Variants in GPR160 observed in about 807,000 individuals in gnomAD.
The protein encoded by GPR160 is probable G protein-coupled receptor 160.
Under a neutral mutation model 2.6 loss-of-function variants are expected in GPR160, and 2 were observed. That is an observed-to-expected ratio of 0.77 (90% CI 0.32 to 2.44). The LOEUF is 2.44. Ranked by LOEUF, GPR160 falls within the 30% of genes most tolerant of loss-of-function variation. The pLI, the probability that GPR160 is intolerant of heterozygous loss-of-function variation, is 0.11. For missense variants in GPR160, 351 were observed against 383.6 expected, an observed-to-expected ratio of 0.91 and a Z score of 0.71; for synonymous variants, 130 against 132.2, an observed-to-expected ratio of 0.98 and a Z score of 0.12.
intron 2 of GPR160, among the ~76,000 whole-genome samples, chr3:170,064,321 A>G (rs1052511468): frequency 2.6e-5 from 4 of 152,068 alleles, no homozygotes; most frequent in Non-Finnish European, 2.9e-5. Context: ...GGCGGGGGTG[A>G]GTACACAAGC....
At chr3:170,052,004 C>A (rs1366922453) in intron 2 of GPR160, among the ~76,000 whole-genome samples, 1 of 152,174 alleles carries the variant, frequency 6.6e-6, no homozygotes, top group Non-Finnish European at 1.5e-5. Flanking sequence ...CGGCTCACTG[C>A]AACCTCCACC....
chr3:170,071,180 C>T (rs1712570969), intron 2 of GPR160, among the ~76,000 whole-genome samples: 2 of 152,178 alleles, frequency 1.3e-5, no homozygotes, highest in Non-Finnish European at 2.9e-5. Flanking sequence ...CTCCAAATCT[C>T]ATGTTAAAAT....
At chr3:170,047,835 CT>C (rs1225615379) in intron 2 of GPR160, among the ~76,000 whole-genome samples, 13,507 of 124,984 alleles carry the variant, frequency 0.11, 508 homozygotes, top group Middle Eastern at 0.16. Context: ...GGACATTATT[CT>C]TTTTTTTTTT....
intron 2 of GPR160, among the ~76,000 whole-genome samples, chr3:170,051,883 T>C (rs577757236): frequency 1.4e-4 from 22 of 152,322 alleles, no homozygotes; most frequent in African/African-American, 4.6e-4. Context: ...TTTAATCTTA[T>C]ATCTAATAAG....
chr3:170,051,417 A>G (rs992601800), intron 2 of GPR160, among the ~76,000 whole-genome samples: 4 of 152,122 alleles, frequency 2.6e-5, no homozygotes, highest in African/African-American at 9.7e-5. Context: ...TCTGGATGCA[A>G]ATTCTTTATC....
At chr3:170,065,703 C>A (rs559171502) in intron 2 of GPR160, among the ~76,000 whole-genome samples, 6 of 152,104 alleles carry the variant, frequency 3.9e-5, no homozygotes, top group Non-Finnish European at 8.8e-5. Flanking sequence ...TATTAAAAAG[C>A]TTTTTAAAGT....
intron 2 of GPR160, among the ~76,000 whole-genome samples, chr3:170,064,769 C>T (rs529593887): frequency 1.3e-5 from 2 of 152,178 alleles, no homozygotes; most frequent in Admixed American, 6.5e-5. Context: ...CCGCCCGCCT[C>T]GGCCTTCCAA....
intron 2 of GPR160, among the ~76,000 whole-genome samples, chr3:170,039,560 T>C (rs1716358326): frequency 6.6e-6 from 1 of 152,046 alleles, no homozygotes; most frequent in Non-Finnish European, 1.5e-5. Flanking sequence ...ATACAAAAAT[T>C]AGCTGGGTGT....
chr3:170,051,585 C>T (rs1576892717), intron 2 of GPR160, among the ~76,000 whole-genome samples: 4 of 152,166 alleles, frequency 2.6e-5, no homozygotes, highest in East Asian at 3.9e-4. Context: ...ATTAGCTGGG[C>T]GCGGTGGCAT....
chr3:170,051,310 C>G (rs996677131), intron 2 of GPR160, among the ~76,000 whole-genome samples: 1 of 152,106 alleles, frequency 6.6e-6, no homozygotes, highest in East Asian at 1.9e-4. Context: ...TCTATATCAT[C>G]TTTGATGACA....
intron 2 of GPR160, chr3:170,063,353 G>A (rs1303677192): frequency 6.6e-6 from 1 of 151,896 alleles, no homozygotes; most frequent in Non-Finnish European, 1.5e-5. Context: ...GGCAAACATG[G>A]TGAAACCCCG....
At chr3:170,082,567 G>A (rs1713187078) in intron 3 of GPR160, among the ~76,000 whole-genome samples, 2 of 151,948 alleles carry the variant, frequency 1.3e-5, no homozygotes, top group Admixed American at 1.3e-4. Flanking sequence ...TTCTGATAAG[G>A]GATACTCAAC....
At chr3:170,082,754 C>A (rs1259961491) in intron 3 of GPR160, among the ~76,000 whole-genome samples, 1 of 151,614 alleles carries the variant, frequency 6.6e-6, no homozygotes, top group Admixed American at 6.6e-5. Context: ...CATCACCATG[C>A]CCAGGTAATT....
Position 170,084,155 on chromosome 3 carries a change from A to T in GPR160, c.183A>T (p.Ser61=). 1.9e-6 allele frequency: 3 copies of T among 1,593,514 alleles called. No individual in the cohort carries two copies. In the South Asian group the frequency reaches 3.4e-5, roughly 18 times the overall value. ...CQNFMEYFCI[S]LAFVDLLLLV... is the part of the protein sequence containing the mutation. ...ATTTTATGGAATATTTTTGCATTTC[A>T]CTAGCATTCGTTGATCTTTTACTTT... is the stretch of plus-strand genomic sequence containing the variant. Residue 61 remains serine, a synonymous_variant, in exon 4 of 4, where the codon TCA becomes TCT. Coordinates refer to ENST00000355897, the MANE Select transcript of GPR160 (RefSeq NM_014373.3).
chr3:170,072,799 C>T (rs940178554), intron 2 of GPR160, among the ~76,000 whole-genome samples: 2 of 152,172 alleles, frequency 1.3e-5, no homozygotes, highest in African/African-American at 4.8e-5. Context: ...TCCCACTAGG[C>T]TCCACCTTCA....
At chr3:170,082,989 G>GT (rs1713214544) in intron 3 of GPR160, among the ~76,000 whole-genome samples, 4 of 147,184 alleles carry the variant, frequency 2.7e-5, no homozygotes, top group African/African-American at 7.4e-5. Flanking sequence ...TTTTTTTTTG[G>GT]TTTTTGTTTT....
chr3:170,054,103 G>T (rs1711523131), intron 2 of GPR160, among the ~76,000 whole-genome samples: 1 of 151,448 alleles, frequency 6.6e-6, no homozygotes, highest in African/African-American at 2.4e-5. Context: ...GCGTTTGTGT[G>T]TGTGTGTGTG....
intron 2 of GPR160, among the ~76,000 whole-genome samples, chr3:170,075,617 C>T (rs1450430904): frequency 2.0e-5 from 3 of 152,134 alleles, no homozygotes; most frequent in African/African-American, 4.8e-5. Flanking sequence ...ATTGCCTCCC[C>T]GCCTCCCCAG....
At chr3:170,080,591 CGTCCTCCTCCAG>C (rs1297213052) in intron 3 of GPR160, among the ~76,000 whole-genome samples, 2 of 152,188 alleles carry the variant, frequency 1.3e-5, no homozygotes, top group African/African-American at 4.8e-5. Flanking sequence ...GAGACACAAG[CGTCCTCCTCCAG>C]GTCCTCCTCC....
Sources: allele counts gnomAD v4.1 joint callset (sites outside exome capture counted in the v4.1 genomes callset), GRCh38; gene constraint gnomAD v4.1.1; transcripts MANE v1.5; gene names NCBI Gene and HGNC (gene_info 2026-07-23, HGNC 2026-07-21).